The following PPARD variants were observed in gnomAD, a reference collection of about 807,000 sequenced individuals.
PPARD encodes the protein peroxisome proliferator activated receptor delta.
Under a neutral mutation model 39.5 loss-of-function variants are expected in PPARD, and 6 were observed. That is an observed-to-expected ratio of 0.15 (90% CI 0.08 to 0.30). PPARD has a LOEUF of 0.30. PPARD is among the 10% of genes least tolerant of loss of function. The pLI is 1.00. For missense variants in PPARD, 397 were observed against 596.8 expected (o/e 0.67, Z 3.49); for synonymous variants, 210 against 231.3 (o/e 0.91, Z 0.83).
chr6:35,359,502 A>T (rs1022970777), intron 2 of PPARD, among the ~76,000 whole-genome samples: 1 of 151,600 alleles, frequency 6.6e-6, no homozygotes, highest in African/African-American at 2.4e-5. Context: ...CTGGCCATTC[A>T]CCGCGTAGTT....
intron 3 of PPARD, among the ~76,000 whole-genome samples, chr6:35,416,590 T>A (rs1441843599): frequency 6.6e-6 from 1 of 152,118 alleles, no homozygotes; most frequent in African/African-American, 2.4e-5. Flanking sequence ...TTTGAGGTTT[T>A]ACGTGAGATG....
chr6:35,393,260 GA>G (rs1405887525), intron 2 of PPARD, among the ~76,000 whole-genome samples: 31 of 152,284 alleles, frequency 2.0e-4, no homozygotes, highest in Non-Finnish European at 4.1e-4. Context: ...TCTTGGGAGG[GA>G]GAGCCCCGAA....
At chr6:35,420,862 T>C (rs1430429023) in intron 4 of PPARD, among the ~76,000 whole-genome samples, 1 of 138,814 alleles carries the variant, frequency 7.2e-6, no homozygotes, top group Non-Finnish European at 1.5e-5. Flanking sequence ...AATCTCGATC[T>C]GTCGCCCAGG....
chr6:35,357,948 G>C (rs76319757), intron 2 of PPARD, among the ~76,000 whole-genome samples: 1 of 152,212 alleles, frequency 6.6e-6, no homozygotes, highest in African/African-American at 2.4e-5. Flanking sequence ...GATCTGAACT[G>C]TGTTTCTTCC....
chr6:35,353,006 G>A (rs1010726457), intron 2 of PPARD, among the ~76,000 whole-genome samples: 1 of 152,180 alleles, frequency 6.6e-6, no homozygotes, highest in Admixed American at 6.5e-5. Context: ...AGAGAAACAG[G>A]CCTCCTTGGA....
rs372482874 is a variant in PPARD, at chr6:35,406,879, C to A, written c.-101-4108C>A. On this transcript the variant is annotated intron_variant, in intron 2 of 7. Transcript: ENST00000360694. ...ACACAGCTGTCAGGGCCTGGCCCGG[C>A]TCGAGTCCTGCTGTGTCCGAAGCTC... Among the ~76,000 whole-genome samples, 46 of 152,334 alleles carry A rather than the reference C, an allele frequency of 3.0e-4. 1 individual carries two copies. The East Asian group carries it at 7.0e-3, about 23-fold the overall frequency.
chr6:35,386,485 C>T (rs1162978896), intron 2 of PPARD, among the ~76,000 whole-genome samples: 1 of 150,268 alleles, frequency 6.7e-6, no homozygotes, highest in Non-Finnish European at 1.5e-5. Flanking sequence ...AGCGAGACCC[C>T]ATCTTAAAAA....
intron 5 of PPARD, among the ~76,000 whole-genome samples, chr6:35,422,543 C>T (rs991480507): frequency 7.2e-5 from 11 of 152,196 alleles, no homozygotes; most frequent in African/African-American, 2.2e-4. Context: ...CACCTGTCCC[C>T]TCAGTACCTC....
At chr6:35,347,025 C>A in intron 1 of PPARD, 42 bp from the exon 2 acceptor site, 8 of 1,317,704 alleles carry the variant, frequency 6.1e-6, no homozygotes, top group Non-Finnish European at 7.3e-6. Flanking sequence ...GGGCCCCTGG[C>A]ACCTGTCAGC....
At chr6:35,408,253 T>C (rs998271118) in intron 2 of PPARD, among the ~76,000 whole-genome samples, 4 of 152,204 alleles carry the variant, frequency 2.6e-5, no homozygotes, top group African/African-American at 9.7e-5. Flanking sequence ...CTCCTCCTGG[T>C]AGATTTCTGT....
At position 35,404,963 on chromosome 6, in the gene PPARD, G is replaced by A. The variant is rs894736426; in HGVS notation, c.-101-6024G>A. Among the ~76,000 whole-genome samples the A allele has an allele frequency of 2.8e-5, 4 of 144,782 alleles. No individual in the cohort carries two copies. The South Asian group carries it at 9.3e-4, about 34-fold the overall frequency. The allele number at this position is 144,782 out of a possible 152,430, so 95.0% of individuals were successfully genotyped here. A position where few individuals can be genotyped will look rare whatever the true frequency, so the allele number is the denominator to read the frequency against. On this transcript the variant is annotated intron_variant, in intron 2 of 7. Coordinates refer to ENST00000360694, the MANE Select transcript of PPARD (RefSeq NM_006238.5). ...TGTGCACTGCAGGCTTTGTGTGTGT[G>A]TGTGTGTGTGTGTGTGTGTGTGTGT... is the stretch of plus-strand genomic sequence containing the variant.
At chr6:35,383,611 A>G (rs1763295172) in intron 2 of PPARD, among the ~76,000 whole-genome samples, 1 of 123,932 alleles carries the variant, frequency 8.1e-6, no homozygotes, top group Non-Finnish European at 1.5e-5. Flanking sequence ...CCGCCATCAC[A>G]TCTAGGAAGG....
intron 2 of PPARD, among the ~76,000 whole-genome samples, chr6:35,370,883 G>A (rs1350805133): frequency 6.6e-6 from 1 of 152,146 alleles, no homozygotes; most frequent in Non-Finnish European, 1.5e-5. Flanking sequence ...CCCCATGGTG[G>A]GGCAGTTAAG....
At chr6:35,413,786 C>T (rs1370116552) in intron 3 of PPARD, among the ~76,000 whole-genome samples, 4 of 151,790 alleles carry the variant, frequency 2.6e-5, no homozygotes, top group Non-Finnish European at 2.9e-5. Context: ...CGGGCTCAAG[C>T]GATTCTCCTG....
At chr6:35,371,757 T>C (rs1762494368) in intron 2 of PPARD, among the ~76,000 whole-genome samples, 1 of 152,332 alleles carries the variant, frequency 6.6e-6, no homozygotes, top group African/African-American at 2.4e-5. Flanking sequence ...AAAAACTCAT[T>C]GCAGAGATTC....
intron 2 of PPARD, among the ~76,000 whole-genome samples, chr6:35,404,953 TTGTGTG>T (rs59359748): frequency 0.047 from 6,608 of 141,754 alleles, 139 homozygotes; most frequent in Middle Eastern, 0.11. Flanking sequence ...ACTGCAGGCT[TTGTGTG>T]TGTGTGTGTG....
intron 2 of PPARD, among the ~76,000 whole-genome samples, chr6:35,398,514 G>A (rs1443240893): frequency 1.3e-5 from 2 of 152,158 alleles, no homozygotes. Context: ...AGCTGGCCTG[G>A]AGAAATAAAT....
chr6:35,380,282 G>A (rs1763056838), intron 2 of PPARD, among the ~76,000 whole-genome samples: 1 of 152,066 alleles, frequency 6.6e-6, no homozygotes, highest in South Asian at 2.1e-4. Flanking sequence ...CTTAGGGTGT[G>A]GCTGCTGTCC....
chr6:35,393,426 C>G (rs1241046732), intron 2 of PPARD, among the ~76,000 whole-genome samples: 1 of 152,176 alleles, frequency 6.6e-6, no homozygotes, highest in Non-Finnish European at 1.5e-5. Context: ...CCTAACATGA[C>G]CTGGCGTGTG....
Sources: gnomAD v4.1 joint callset for allele counts (sites outside exome capture counted in the v4.1 genomes callset) on GRCh38, gnomAD v4.1.1 for gene constraint, MANE v1.5 for transcripts, NCBI Gene and HGNC (gene_info 2026-07-23, HGNC 2026-07-21) for gene names.